PKD2L1: variants seen among roughly 807,000 people sequenced by gnomAD.
PKD2L1 encodes polycystin-2-like protein 1.
Under a neutral mutation model 93.0 loss-of-function variants are expected in PKD2L1, and 77 were observed. The ratio of observed to expected loss-of-function variants is 0.83; its 90% confidence interval spans 0.69 to 1.00. PKD2L1 has a LOEUF of 1.00. Ranked by LOEUF, PKD2L1 falls within the 50% of genes least tolerant of loss-of-function variation. The pLI is 0.00. For synonymous variants in PKD2L1, 390 were observed against 388.0 expected, an observed-to-expected ratio of 1.01 and a Z score of -0.06; for missense variants, 977 against 990.9, an observed-to-expected ratio of 0.99 and a Z score of 0.19.
chr10:100,302,529 T>G (rs1321598879), intron 2 of PKD2L1, among the ~76,000 whole-genome samples: 3 of 149,840 alleles, frequency 2.0e-5, no homozygotes, highest in African/African-American at 7.5e-5. Flanking sequence ...AAACCTCATC[T>G]CTACAAAAAA....
intron 2 of PKD2L1, among the ~76,000 whole-genome samples, chr10:100,304,352 T>A (rs1848751202): frequency 6.6e-6 from 1 of 152,222 alleles, no homozygotes; most frequent in African/African-American, 2.4e-5. Context: ...ACCTCCGATG[T>A]TCATAGTTAG....
chr10:100,327,211 G>T (rs551249042), intron 2 of PKD2L1, among the ~76,000 whole-genome samples: 1 of 152,194 alleles, frequency 6.6e-6, no homozygotes, highest in Non-Finnish European at 1.5e-5. Flanking sequence ...TGACAGCCCC[G>T]CTGACACTCC....
rs4919447 is a variant in PKD2L1, at chr10:100,295,824, T to C, written c.1356+298A>G. On this transcript the variant is annotated intron_variant, in intron 7 of 15. Transcript: ENST00000318222. ...GCTGAGGTAGGCAGATCACCTGAGG[T>C]TGGGAGTTCGAGACCACCCTGGCCA... Among the ~76,000 whole-genome samples the C allele has an allele frequency of 7.8e-3, 1,141 of 146,212 alleles. 17 individuals are homozygous for C. Among genetic ancestry groups the C allele is most frequent in the Middle Eastern group, 0.04 (11 of 272 alleles).
chr10:100,312,237 A>T (rs998664400), intron 2 of PKD2L1, among the ~76,000 whole-genome samples: 7 of 152,142 alleles, frequency 4.6e-5, no homozygotes, highest in Admixed American at 4.6e-4. Context: ...AGAGAACTAG[A>T]TTCACTCACA....
chr10:100,291,573 GA>G, intron 11 of PKD2L1, 146 bp from the exon 12 acceptor site: 1 of 746,294 alleles, frequency 1.3e-6, no homozygotes, highest in Non-Finnish European at 2.1e-6. Flanking sequence ...TTACCCCCAG[GA>G]AAACACTCAG....
At chr10:100,297,285 C>T (rs1377824217) in intron 5 of PKD2L1, 77 bp from the exon 6 acceptor site, 5 of 1,542,810 alleles carry the variant, frequency 3.2e-6, no homozygotes, top group Admixed American at 1.7e-5. Context: ...CCTCTCCACC[C>T]CCACCACAGG....
intron 2 of PKD2L1, among the ~76,000 whole-genome samples, chr10:100,321,983 C>T (rs1350859324): frequency 1.3e-5 from 2 of 151,418 alleles, no homozygotes; most frequent in Non-Finnish European, 2.9e-5. Context: ...TGGCTCACGC[C>T]TGTAATCCTA....
chr10:100,325,842 A>G (rs1031429531), intron 2 of PKD2L1, among the ~76,000 whole-genome samples: 1 of 152,200 alleles, frequency 6.6e-6, no homozygotes, highest in African/African-American at 2.4e-5. Flanking sequence ...TTAGTGAGCT[A>G]TTTTATTTAA....
chr10:100,320,323 A>G (rs974761383), intron 2 of PKD2L1, among the ~76,000 whole-genome samples: 6 of 152,206 alleles, frequency 3.9e-5, no homozygotes, highest in African/African-American at 1.2e-4. Flanking sequence ...AGATAACTCT[A>G]TTTTAGCCAG....
At chr10:100,317,716 G>T (rs1849131264) in intron 2 of PKD2L1, among the ~76,000 whole-genome samples, 1 of 152,100 alleles carries the variant, frequency 6.6e-6, no homozygotes, top group South Asian at 2.1e-4. Context: ...ATATGTTTCG[G>T]GGTAAGAGAG....
chr10:100,316,413 C>T (rs1009051359), intron 2 of PKD2L1, among the ~76,000 whole-genome samples: 1 of 152,248 alleles, frequency 6.6e-6, no homozygotes, highest in African/African-American at 2.4e-5. Context: ...CTCAGGTGAT[C>T]TGCCTGCCTC....
chr10:100,306,412 A>G (rs576945018), intron 2 of PKD2L1, among the ~76,000 whole-genome samples: 2 of 152,286 alleles, frequency 1.3e-5, no homozygotes, highest in African/African-American at 2.4e-5. Context: ...AGAACTTCCC[A>G]GGGATCTCAA....
intron 4 of PKD2L1, 96 bp from the exon 5 acceptor site, chr10:100,297,702 TTGTGTGTGTGTGTGTG>T (rs60373525): frequency 0.022 from 13,116 of 583,396 alleles, 6 homozygotes; most frequent in East Asian, 0.047. Flanking sequence ...GGTTTACATA[TTGTGTGTGTGTGTGTG>T]TGTGTGTGTG....
intron 2 of PKD2L1, among the ~76,000 whole-genome samples, chr10:100,309,522 A>T (rs1848882975): frequency 6.6e-6 from 1 of 152,162 alleles, no homozygotes; most frequent in African/African-American, 2.4e-5. Flanking sequence ...GGCTAATACC[A>T]TGATTTTATA....
At chr10:100,327,654 TCTC>T (rs1275356477) in intron 2 of PKD2L1, among the ~76,000 whole-genome samples, 1 of 152,126 alleles carries the variant, frequency 6.6e-6, no homozygotes, top group Non-Finnish European at 1.5e-5. Context: ...GGAGATGACT[TCTC>T]CTTGCTAGCA....
At chr10:100,301,456 C>T (rs934748789) in intron 2 of PKD2L1, among the ~76,000 whole-genome samples, 20 of 135,608 alleles carry the variant, frequency 1.5e-4, no homozygotes, top group Non-Finnish European at 2.8e-4. Flanking sequence ...TTTTAGAGGC[C>T]CCCCCCCCGG....
Position 100,302,981 on chromosome 10 carries a change from A to G in PKD2L1, c.350-3263T>C, listed in dbSNP as rs535106409. On this transcript the variant is annotated intron_variant, in intron 2 of 15. Coordinates refer to ENST00000318222, the MANE Select transcript of PKD2L1 (RefSeq NM_016112.3). ...AGGAACAAAAGGGCATTATGTCTAT[A>G]ATTTACTCTCAAACTTGTGTGTGCG... Among the ~76,000 whole-genome samples the G allele has an allele frequency of 3.9e-5, 6 of 152,266 alleles. No homozygotes were observed. The East Asian group carries it at 1.2e-3, about 29-fold the overall frequency.
Position 100,293,383 on chromosome 10 carries a change from G to A in PKD2L1, c.1660-4C>T. 6.3e-6 allele frequency: 10 copies of A among 1,599,408 alleles called. No homozygotes were observed. The highest frequency in any genetic ancestry group is 8.6e-6 in the Non-Finnish European group (10 of 1,166,582). On this transcript the variant is annotated splice_polypyrimidine_tract_variant and splice_region_variant and intron_variant, in intron 9 of 15. Coordinates refer to ENST00000318222, the MANE Select transcript of PKD2L1 (RefSeq NM_016112.3). ...TGATGATGGCCAGGAACATGTTCTG[G>A]AAAATGAAGTGGGGACCTGGGTCCT...
intron 2 of PKD2L1, among the ~76,000 whole-genome samples, chr10:100,320,568 A>C (rs1849204371): frequency 6.6e-6 from 1 of 152,192 alleles, no homozygotes; most frequent in Non-Finnish European, 1.5e-5. Flanking sequence ...TAATGGTCCA[A>C]GTTCCCCACT....
Sources: gnomAD v4.1 joint callset for allele counts (sites outside exome capture counted in the v4.1 genomes callset) on GRCh38, gnomAD v4.1.1 for gene constraint, MANE v1.5 for transcripts, NCBI Gene and HGNC (gene_info 2026-07-23, HGNC 2026-07-21) for gene names.